The following RIPK4 variants were observed in gnomAD, a reference collection of about 807,000 sequenced individuals.
RIPK4 encodes the protein receptor interacting serine/threonine kinase 4.
Under a neutral mutation model 42.9 loss-of-function variants are expected in RIPK4, and 17 were observed. That is an observed-to-expected ratio of 0.40 (90% confidence interval 0.27 to 0.59). The LOEUF (loss-of-function observed/expected upper bound fraction) is 0.59, where lower values mean the gene tolerates loss of function less well. Ranked by LOEUF, RIPK4 falls within the 20% of genes least tolerant of loss-of-function variation. The pLI, the probability that RIPK4 is intolerant of heterozygous loss-of-function variation, is 0.47. For missense variants in RIPK4, 897 were observed against 1,104.4 expected (o/e 0.81, Z 2.66); for synonymous variants, 498 against 499.1 (o/e 1.00, Z 0.03).
chr21:41,752,336 T>C (rs897715728), intron 2 of RIPK4, among the ~76,000 whole-genome samples: 2 of 152,282 alleles, frequency 1.3e-5, no homozygotes, highest in East Asian at 1.9e-4. Flanking sequence ...GCCCATGTGG[T>C]GAGCCAATAG....
At chr21:41,745,884 A>C (rs374420592) in intron 5 of RIPK4, 22 bp from the exon 6 acceptor site, 116 of 1,568,526 alleles carry the variant, frequency 7.4e-5, no homozygotes, top group Non-Finnish European at 9.7e-5. Flanking sequence ...GAAAGGGGAC[A>C]TGTCACTCGG....
intron 4 of RIPK4, among the ~76,000 whole-genome samples, 195 bp downstream of exon 4, chr21:41,748,958 TG>T (rs1421925815): frequency 6.6e-6 from 1 of 152,228 alleles, no homozygotes; most frequent in Non-Finnish European, 1.5e-5. Context: ...AAAAACTAGC[TG>T]GCACCTAAAA....
Position 41,751,439 on chromosome 21 carries a change from G to A in RIPK4, c.475-194C>T, listed in dbSNP as rs2061188071. On this transcript the variant is annotated intron_variant, in intron 2 of 7. Transcript: ENST00000332512. This position sits in a 1 kb window ranked among gnomAD's most constrained non-coding sequence, Gnocchi z 4.5. ...GAGACAGATTCTGGGGCAGAAGCAAGCCTGGAGGCATTAGGAGCAGCACAT... is the reference window on the plus strand; with the variant it reads ...GAGACAGATTCTGGGGCAGAAGCAAACCTGGAGGCATTAGGAGCAGCACAT... Among the ~76,000 whole-genome samples the A allele has an allele frequency of 6.6e-6, 1 of 152,246 alleles. No homozygotes were observed. The highest frequency in any genetic ancestry group is 1.5e-5 in the Non-Finnish European group (1 of 68,042).
intron 1 of RIPK4, among the ~76,000 whole-genome samples, chr21:41,758,076 A>AG (rs2061210622): frequency 7.2e-6 from 1 of 139,096 alleles, no homozygotes; most frequent in Non-Finnish European, 1.5e-5. Context: ...AGAGAGAGAG[A>AG]AAATGTAGTC....
At position 41,741,111 on chromosome 21, in the gene RIPK4, G is replaced by A. The variant is rs529767883; in HGVS notation, c.2082C>T (p.Ala694=). Residue 694 remains alanine (A), a synonymous_variant, in exon 8 of 8, where the codon GCC becomes GCT. Coordinates refer to ENST00000332512, the MANE Select transcript of RIPK4 (RefSeq NM_020639.3). ...ATVKLLVEEK[A]DVLARGPLNQ... ...TCAGGGGTCCCCGGGCCAGCACATCGGCCTTCTCCTCGACAAGCAGCTTGA... is the reference window on the plus strand; with the variant it reads ...TCAGGGGTCCCCGGGCCAGCACATCAGCCTTCTCCTCGACAAGCAGCTTGA... The A allele has an allele frequency of 2.2e-5, 35 of 1,612,594 alleles. No individual in the cohort carries two copies. The East Asian group carries it at 4.2e-4, about 20-fold the overall frequency.
In RIPK4 at chr21:41,757,999, A is replaced by C. The variant is rs541365611; in HGVS notation, c.183-1183T>G. On this transcript the variant is annotated intron_variant, in intron 1 of 7. Coordinates refer to ENST00000332512, the MANE Select transcript of RIPK4 (RefSeq NM_020639.3). ...GGGCGACACAGAGAGACTCCATAAC[A>C]AAAAAAAAAAAAAAAAAAAAAAATA... 8.1e-3 allele frequency among the ~76,000 whole-genome samples: 109 copies of C among 13,406 alleles called. 1 individual carries two copies. Among genetic ancestry groups the C allele is most frequent in the South Asian group, 0.019 (7 of 364 alleles). 8.8% of individuals were successfully genotyped at this position (13,406 alleles called of 152,430 possible). A position where few individuals can be genotyped will look rare whatever the true frequency, so the allele number is the denominator to read the frequency against.
In RIPK4 at chr21:41,744,092, C is replaced by A; in HGVS notation, c.985G>T (p.Asp329Tyr). The A allele has an allele frequency of 6.2e-7, 1 of 1,608,880 alleles. No homozygotes were observed. The highest frequency in any genetic ancestry group is 8.5e-7 in the Non-Finnish European group (1 of 1,177,282). Residue 329 changes from aspartate (D) to tyrosine (Y), a missense_variant, in exon 7 of 8, where the codon GAC becomes TAC. By Grantham distance (160) the Asp-to-Tyr change is radical. Transcript: ENST00000332512. ...GAGAGCAGCTCGGAGAGGCTGTAGT[C>A]GTTATCGAAGGTGGGGGCAGAGGCC... ...KRASAPTFDN[D>Y]YSLSELLSQL...
chr21:41,743,032 C>T (rs2061159396), intron 7 of RIPK4, among the ~76,000 whole-genome samples: 1 of 152,184 alleles, frequency 6.6e-6, no homozygotes, highest in African/African-American at 2.4e-5. Context: ...CTAAAAATCC[C>T]GGGAAGTCTG....
rs980646017 is a variant in RIPK4, at chr21:41,762,879, C to A, written c.182+3981G>T. Among the ~76,000 whole-genome samples, 4 of 152,156 alleles carry A rather than the reference C, an allele frequency of 2.6e-5. 1 individual carries two copies. The highest frequency in any genetic ancestry group is 1.3e-4 in the Admixed American group (2 of 15,274). On this transcript the variant is annotated intron_variant, in intron 1 of 7. Transcript: ENST00000332512. ...GAACATCACACAGTCACATTCGCACCGTCTCCAAATCGCATTTCTTACTGT... is the reference window on the plus strand; with the variant it reads ...GAACATCACACAGTCACATTCGCACAGTCTCCAAATCGCATTTCTTACTGT...
At chr21:41,762,057 C>T (rs1366242309) in intron 1 of RIPK4, among the ~76,000 whole-genome samples, 4 of 152,226 alleles carry the variant, frequency 2.6e-5, no homozygotes, top group African/African-American at 9.6e-5. Context: ...GAAAGCGGAT[C>T]CCGGCTAGAA....
intron 1 of RIPK4, 31 bp downstream of exon 1, chr21:41,766,829 G>T: frequency 6.3e-7 from 1 of 1,588,746 alleles, no homozygotes. Context: ...CCGGGCCCCA[G>T]CCGCCCCAGC....
chr21:41,766,245 C>T (rs2061236015), intron 1 of RIPK4, among the ~76,000 whole-genome samples: 1 of 152,252 alleles, frequency 6.6e-6, no homozygotes, highest in African/African-American at 2.4e-5. Context: ...CGGAGCTCCA[C>T]CGCGCAAGCG....
At chr21:41,744,361 G>C in intron 6 of RIPK4, among the ~76,000 whole-genome samples, 2 of 151,464 alleles carry the variant, frequency 1.3e-5, no homozygotes, top group East Asian at 3.9e-4. Context: ...CAGCGCCGCG[G>C]AGCTCAGACC....
chr21:41,743,254 A>C (rs1375643504), intron 7 of RIPK4, among the ~76,000 whole-genome samples: 1 of 152,240 alleles, frequency 6.6e-6, no homozygotes, highest in Non-Finnish European at 1.5e-5. Context: ...AAAGGAGGCC[A>C]GAACAAGCAC....
chr21:41,740,921 C>T lies in RIPK4; in HGVS notation c.2272G>A (p.Gly758Arg), dbSNP rs1282154247. Residue 758 changes from glycine (G) to arginine (R), a missense_variant, in exon 8 of 8, where the codon GGG becomes AGG. Physicochemically the swap from Gly to Arg is moderately radical, Grantham distance 125. Transcript: ENST00000332512. ...AGGCTCTGCAGGTTGATGTGGGCCCCATGCCTGAGCAGAGTCTCCACCGTC... is the reference window on the plus strand; with the variant it reads ...AGGCTCTGCAGGTTGATGTGGGCCCTATGCCTGAGCAGAGTCTCCACCGTC... ...AQTVETLLRH[G>R]AHINLQSLKF... 3 of 1,612,568 alleles carry T rather than the reference C, an allele frequency of 1.9e-6. No homozygotes were observed. Among genetic ancestry groups the T allele is most frequent in the Admixed American group, 1.7e-5 (1 of 60,006 alleles).
At chr21:41,747,759 C>T (rs985952567) in intron 4 of RIPK4, among the ~76,000 whole-genome samples, 6 of 152,188 alleles carry the variant, frequency 3.9e-5, no homozygotes, top group Non-Finnish European at 4.4e-5. Flanking sequence ...CTGAAGTAAA[C>T]GCCCGGAATG....
intron 1 of RIPK4, 135 bp downstream of exon 1, chr21:41,766,725 G>T: frequency 1.1e-6 from 1 of 941,224 alleles, no homozygotes; most frequent in Admixed American, 2.9e-5. Context: ...CGGCCTCGCC[G>T]GCAATTGGTT....
intron 1 of RIPK4, among the ~76,000 whole-genome samples, chr21:41,762,890 C>T (rs775941454): frequency 1.3e-5 from 2 of 152,184 alleles, no homozygotes; most frequent in African/African-American, 2.4e-5. Flanking sequence ...GTCTCCAAAT[C>T]GCATTTCTTA....
Position 41,741,384 on chromosome 21 carries a change from A to G in RIPK4, c.1809T>C (p.Asp603=). ...CGGCCAGGTGCAATGGCGTCCTCCCATCCAGCGTCTGGGCGTTCACACTCA... is the reference window on the plus strand; with the variant it reads ...CGGCCAGGTGCAATGGCGTCCTCCCGTCCAGCGTCTGGGCGTTCACACTCA... ...PGVSVNAQTL[D]GRTPLHLAAQ... Residue 603 remains aspartate, a synonymous_variant, in exon 8 of 8, where the codon GAT becomes GAC. Transcript: ENST00000332512. The G allele has an allele frequency of 6.2e-7, 1 of 1,612,494 alleles. No homozygotes were observed. Among genetic ancestry groups the G allele is most frequent in the Non-Finnish European group, 8.5e-7 (1 of 1,179,896 alleles).
Sources: gnomAD v4.1 joint callset for allele counts (sites outside exome capture counted in the v4.1 genomes callset) on GRCh38, gnomAD v4.1.1 for gene constraint, Gnocchi (gnomAD v3.1) non-coding constraint, MANE v1.5 for transcripts, NCBI Gene and HGNC (gene_info 2026-07-23, HGNC 2026-07-21) for gene names.